The following PPP2CA variants were observed in gnomAD, a reference collection of about 807,000 sequenced individuals.
The protein encoded by PPP2CA is protein phosphatase 2 catalytic subunit alpha.
PPP2CA carries 5 observed loss-of-function variants against 38.8 expected under a neutral mutation model. That is an observed-to-expected ratio of 0.13 (90% CI 0.07 to 0.27). The LOEUF is 0.27. Among genes scored for constraint, PPP2CA ranks in the 10% least tolerant of loss-of-function variants. The pLI is 1.00. For synonymous variants in PPP2CA, 152 were observed against 134.0 expected, an observed-to-expected ratio of 1.13 and a Z score of -0.93; for missense variants, 88 against 389.7, an observed-to-expected ratio of 0.23 and a Z score of 6.52.
intron 1 of PPP2CA, among the ~76,000 whole-genome samples, chr5:134,215,743 A>G (rs1188098824): frequency 3.9e-5 from 6 of 152,076 alleles, no homozygotes; most frequent in Non-Finnish European, 7.4e-5. Flanking sequence ...CTAGCCTCTA[A>G]TTCTTTAAAG....
Position 134,194,571 on chromosome 5 carries a change from T to C in PPP2CA, c.*3201A>G, listed in dbSNP as rs1172756929. ...AACATCCATGAACCACCACCATGTA[T>C]CCCAATTTTCTTAAGTATGTACTTA... On this transcript the variant is annotated 3_prime_UTR_variant, in exon 7 of 7. Coordinates refer to ENST00000481195, the MANE Select transcript of PPP2CA (RefSeq NM_002715.4). The C allele has an allele frequency of 1.3e-5, 2 of 152,242 alleles. No homozygotes were observed. Among genetic ancestry groups the C allele is most frequent in the East Asian group, 3.8e-4 (2 of 5,200 alleles). 9.4% of individuals were successfully genotyped at this position (152,242 alleles called of 1,614,324 possible).
intron 1 of PPP2CA, among the ~76,000 whole-genome samples, chr5:134,213,254 A>C (rs6881463): frequency 0.87 from 132,771 of 152,136 alleles, 58,280 homozygotes; most frequent in Middle Eastern, 0.92. Flanking sequence ...GGCTCATTCA[A>C]CATTCTGAAA....
rs1299363895 is a variant in PPP2CA, at chr5:134,196,624, AT to A, written c.*1147del. On this transcript the variant is annotated 3_prime_UTR_variant, in exon 7 of 7. Coordinates refer to ENST00000481195, the MANE Select transcript of PPP2CA (RefSeq NM_002715.4). ...CTCAACAATGTACAAAGATTTAAGA[AT>A]TTGCCAATCTGTCAATCATTTTAAA... The A allele has an allele frequency of 6.6e-6, 1 of 152,220 alleles. No homozygotes were observed. Among genetic ancestry groups the A allele is most frequent in the Non-Finnish European group, 1.5e-5 (1 of 68,028 alleles). 9.4% of individuals were successfully genotyped at this position (152,220 alleles called of 1,614,324 possible).
intron 1 of PPP2CA, among the ~76,000 whole-genome samples, chr5:134,225,220 G>A (rs1283535691): frequency 1.3e-5 from 2 of 152,148 alleles, no homozygotes; most frequent in African/African-American, 2.4e-5. Context: ...TTGATTTCTG[G>A]AGAAGATCGC....
At chr5:134,203,352 T>C (rs1315007998) in intron 2 of PPP2CA, among the ~76,000 whole-genome samples, 2 of 152,198 alleles carry the variant, frequency 1.3e-5, no homozygotes, top group Non-Finnish European at 2.9e-5. Flanking sequence ...GAAACATCCT[T>C]TCCCCCGGTA....
intron 6 of PPP2CA, among the ~76,000 whole-genome samples, chr5:134,198,596 C>T (rs1561733133): frequency 6.6e-6 from 1 of 152,070 alleles, no homozygotes; most frequent in African/African-American, 2.4e-5. Context: ...GACGAAGTCT[C>T]GCTCTGTTGC....
In PPP2CA at chr5:134,225,977, G is replaced by A. The variant is rs1762573115; in HGVS notation, c.-116C>T. Reference sequence around the variant, plus strand: ...CTCGTGTACTTCTGGCGGCTGTTGAGGCTGGCGCTGGCCCGCTGGCTCTCA... The same window carrying A: ...CTCGTGTACTTCTGGCGGCTGTTGAAGCTGGCGCTGGCCCGCTGGCTCTCA... On this transcript the variant is annotated 5_prime_UTR_variant, in exon 1 of 7. Transcript: ENST00000481195. 2 of 913,764 alleles carry A rather than the reference G, an allele frequency of 2.2e-6. No homozygotes were observed. Among genetic ancestry groups the A allele is most frequent in the African/African-American group, 1.7e-5 (1 of 58,296 alleles). The allele number at this position is 913,764 out of a possible 1,614,324, so 56.6% of individuals were successfully genotyped here. A position where few individuals can be genotyped will look rare whatever the true frequency, so the allele number is the denominator to read the frequency against.
chr5:134,213,148 C>A (rs770367417), intron 1 of PPP2CA, among the ~76,000 whole-genome samples: 1 of 152,170 alleles, frequency 6.6e-6, no homozygotes, highest in Non-Finnish European at 1.5e-5. Flanking sequence ...TAGGACTTTA[C>A]TAGCTAGAGA....
chr5:134,221,130 G>A (rs956864102), intron 1 of PPP2CA, among the ~76,000 whole-genome samples: 15 of 152,236 alleles, frequency 9.9e-5, no homozygotes, highest in Admixed American at 3.9e-4. Context: ...GGGGCCGGGG[G>A]GAATGGGGTC....
At chr5:134,216,613 G>A (rs1014450819) in intron 1 of PPP2CA, among the ~76,000 whole-genome samples, 1 of 150,246 alleles carries the variant, frequency 6.7e-6, no homozygotes, top group Non-Finnish European at 1.5e-5. Context: ...GGTCTATACT[G>A]AGGAAAAAGT....
intron 1 of PPP2CA, among the ~76,000 whole-genome samples, chr5:134,212,310 G>A (rs186215557): frequency 1.3e-5 from 2 of 152,220 alleles, no homozygotes; most frequent in East Asian, 1.9e-4. Context: ...GTCACATCTT[G>A]GTACTTCTAA....
intron 1 of PPP2CA, among the ~76,000 whole-genome samples, chr5:134,224,603 A>C (rs1313158790): frequency 6.6e-6 from 1 of 152,230 alleles, no homozygotes; most frequent in African/African-American, 2.4e-5. Flanking sequence ...GTTAATTTTG[A>C]AAAGGGAAGT....
intron 1 of PPP2CA, among the ~76,000 whole-genome samples, chr5:134,217,896 G>A (rs1037669164): frequency 2.6e-5 from 4 of 152,150 alleles, no homozygotes; most frequent in Non-Finnish European, 5.9e-5. Flanking sequence ...ATTGCTCCTA[G>A]GCTACAAACT....
At chr5:134,213,529 T>TA (rs1332517831) in intron 1 of PPP2CA, among the ~76,000 whole-genome samples, 2 of 151,164 alleles carry the variant, frequency 1.3e-5, no homozygotes, top group Non-Finnish European at 2.9e-5. Context: ...TACACACCTG[T>TA]AGTACCAGCT....
chr5:134,210,216 C>T (rs889444316), intron 1 of PPP2CA, among the ~76,000 whole-genome samples: 2 of 152,200 alleles, frequency 1.3e-5, no homozygotes, highest in African/African-American at 4.8e-5. Flanking sequence ...TGGATCACCT[C>T]CAGAGCCTCC....
Position 134,197,589 on chromosome 5 carries a change from A to AG in PPP2CA, c.*182dup. ...CATGCAATGAACTGGTTCATTCTAA[A>AG]GTGGTCACGGCTGTTGATGACAAGA... On this transcript the variant is annotated 3_prime_UTR_variant, in exon 7 of 7. Transcript: ENST00000481195. 1.7e-6 allele frequency: 1 copy of AG among 581,354 alleles called. No individual in the cohort carries two copies. Among genetic ancestry groups the AG allele is most frequent in the South Asian group, 2.2e-5 (1 of 45,032 alleles). 36.0% of individuals were successfully genotyped at this position (581,354 alleles called of 1,614,324 possible). A position where few individuals can be genotyped will look rare whatever the true frequency, so the allele number is the denominator to read the frequency against.
chr5:134,212,186 T>C (rs1002455784), intron 1 of PPP2CA, among the ~76,000 whole-genome samples: 3 of 152,236 alleles, frequency 2.0e-5, no homozygotes, highest in African/African-American at 4.8e-5. Context: ...CTTCTCTTTA[T>C]TGCACTTTGC....
At chr5:134,198,173 G>A (rs909498329) in intron 6 of PPP2CA, among the ~76,000 whole-genome samples, 7 of 152,096 alleles carry the variant, frequency 4.6e-5, no homozygotes, top group South Asian at 2.1e-4. Flanking sequence ...GGCGGATCAC[G>A]AGGTCAGGAG....
intron 1 of PPP2CA, among the ~76,000 whole-genome samples, chr5:134,221,756 G>C (rs1762447977): frequency 6.6e-6 from 1 of 152,004 alleles, no homozygotes; most frequent in African/African-American, 2.4e-5. Flanking sequence ...GATCACTGAA[G>C]GTCAGGAGTT....
Sources: gnomAD v4.1 joint callset for allele counts (sites outside exome capture counted in the v4.1 genomes callset) on GRCh38, gnomAD v4.1.1 for gene constraint, MANE v1.5 for transcripts, NCBI Gene and HGNC (gene_info 2026-07-23, HGNC 2026-07-21) for gene names.